The following LPIN1 variants were observed in gnomAD, a reference collection of about 807,000 sequenced individuals.
LPIN1 encodes the protein phosphatidate phosphatase LPIN1.
In LPIN1, 71 loss-of-function variants were observed where a neutral mutation model predicts 107.5. That is an observed-to-expected ratio of 0.66 (90% CI 0.55 to 0.80). The LOEUF (loss-of-function observed/expected upper bound fraction) is 0.80. Among genes scored for constraint, LPIN1 ranks in the 30% least tolerant of loss-of-function variants. The pLI, the probability that LPIN1 is intolerant of heterozygous loss-of-function variation, is 0.00. For missense variants in LPIN1, 1,043 were observed against 1,160.6 expected (o/e 0.90, Z 1.47); for synonymous variants, 445 against 452.6 (o/e 0.98, Z 0.21).
intron 17 of LPIN1, 104 bp from the exon 18 acceptor site, chr2:11,814,984 G>A: frequency 9.0e-7 from 1 of 1,110,970 alleles, no homozygotes. Flanking sequence ...GGGGGAACTT[G>A]AAACAGTGCC....
In LPIN1 at chr2:11,698,143, G is replaced by A. The variant is rs138380306; in HGVS notation, c.82-15613G>A. Among the ~76,000 whole-genome samples, 511 of 152,298 alleles carry A rather than the reference G, an allele frequency of 3.4e-3. 6 individuals carry two copies. The highest frequency in any genetic ancestry group is 0.011 in the African/African-American group (463 of 41,556). ...CAGAATAGCTCAGTCAGGGGTGTGC[G>A]GGGCGGCTCCGGTGGCCATCCTCAC... On this transcript the variant is annotated intron_variant, in intron 1 of 21. Transcript: ENST00000449576.
chr2:11,695,989 G>A (rs1371189260), intron 1 of LPIN1, among the ~76,000 whole-genome samples: 2 of 150,882 alleles, frequency 1.3e-5, no homozygotes, highest in Non-Finnish European at 2.9e-5. Flanking sequence ...CTTTCCCACT[G>A]CTGTGAGGTC....
intron 14 of LPIN1, among the ~76,000 whole-genome samples, chr2:11,802,394 GAGA>G (rs1158839516): frequency 6.6e-6 from 1 of 152,182 alleles, no homozygotes; most frequent in African/African-American, 2.4e-5. Flanking sequence ...GGGATCCTGA[GAGA>G]AGAATTGGTG....
upstream of LPIN1, among the ~76,000 whole-genome samples, chr2:11,744,960 G>A (rs186052498): frequency 1.2e-4 from 19 of 152,354 alleles, no homozygotes; most frequent in African/African-American, 3.8e-4. Flanking sequence ...CAAGCCCAGC[G>A]GGAGCGTGTC....
Position 11,783,822 on chromosome 2 carries a change from G to A in LPIN1, c.1265-7G>A, listed in dbSNP as rs376096398. The A allele has an allele frequency of 2.5e-5, 41 of 1,613,194 alleles. No homozygotes were observed. Among genetic ancestry groups the A allele is most frequent in the African/African-American group, 1.1e-4 (8 of 74,900 alleles). Reference sequence around the variant, plus strand: ...GGTTTTCTGACTTGAGCCATTTGCCGTTTTAGATAAACGAAGCCGACATCT... The same window carrying A: ...GGTTTTCTGACTTGAGCCATTTGCCATTTTAGATAAACGAAGCCGACATCT... On this transcript the variant is annotated splice_polypyrimidine_tract_variant and splice_region_variant and intron_variant, in intron 8 of 20. Transcript: ENST00000674199.
intron 5 of LPIN1, among the ~76,000 whole-genome samples, chr2:11,775,483 A>G (rs1271031002): frequency 1.3e-5 from 2 of 152,224 alleles, no homozygotes. Flanking sequence ...CAGGTTATGT[A>G]GCTCTGACTA....
chr2:11,824,698 CT>C lies in LPIN1; in HGVS notation c.2691del (p.Cys899ValfsTer49). The C allele has an allele frequency of 6.2e-7, 1 of 1,614,158 alleles. No individual in the cohort carries two copies. The highest frequency in any genetic ancestry group is 8.5e-7 in the Non-Finnish European group (1 of 1,180,034). On this transcript the variant is annotated frameshift_variant, in exon 21 of 21. Coordinates refer to ENST00000674199, the MANE Select transcript of LPIN1 (RefSeq NM_001349206.2). LOFTEE classifies it high-confidence loss of function. ...TGCTGAAAAGAAGCCATTCTTCAGA[CT>C]TTCCCTGTTCGGATACCTTCAGTAA... ...PLLKRSHSSD[F>X]PCSDTFSNFT...
Position 11,696,915 on chromosome 2 carries a change from C to A in LPIN1, c.82-16841C>A, listed in dbSNP as rs576356127. Among the ~76,000 whole-genome samples, 10 of 152,330 alleles carry A rather than the reference C, an allele frequency of 6.6e-5. No individual in the cohort carries two copies. In the South Asian group the frequency reaches 2.1e-3, roughly 32 times the overall value. On this transcript the variant is annotated intron_variant, in intron 1 of 21. Transcript: ENST00000449576. ...TACGCCCAGGTGTGCCTCCCCTGGC[C>A]GCACCTCCTCTGTGCTCCTGCGTCT... is the stretch of plus-strand genomic sequence containing the variant.
Position 11,787,392 on chromosome 2 carries a change from C to CTTTTTTT in LPIN1, c.1643+230_1643+231insTTTTTTT, listed in dbSNP as rs1219054361. Reference sequence around the variant, plus strand: ...AGTCTTGTGAGTTTTCTTTTCTTTTCTTTTTCTTTTTTTTTTTTTTTTTTT... The same window carrying CTTTTTTT: ...AGTCTTGTGAGTTTTCTTTTCTTTTCTTTTTTTTTTTTCTTTTTTTTTTTTTTTTTTT... On this transcript the variant is annotated intron_variant, in intron 11 of 20. Coordinates refer to ENST00000674199, the MANE Select transcript of LPIN1 (RefSeq NM_001349206.2). 8.2e-3 allele frequency among the ~76,000 whole-genome samples: 930 copies of CTTTTTTT among 113,494 alleles called. 55 individuals are homozygous for CTTTTTTT. The highest frequency in any genetic ancestry group is 0.011 in the Non-Finnish European group (611 of 57,778). 74.5% of individuals were successfully genotyped at this position (113,494 alleles called of 152,430 possible).
At chr2:11,806,128 A>G (rs1678643202) in intron 17 of LPIN1, among the ~76,000 whole-genome samples, 1 of 152,216 alleles carries the variant, frequency 6.6e-6, no homozygotes. Context: ...GTGAGTGTCA[A>G]GATAGTGTCA....
At chr2:11,752,442 T>TTTTTTTTTC in intron 1 of LPIN1, among the ~76,000 whole-genome samples, 1 of 109,890 alleles carries the variant, frequency 9.1e-6, no homozygotes, top group African/African-American at 6.1e-5. Context: ...CATTTTTTTT[T>TTTTTTTTTC]TTTTTTTGAG....
At chr2:11,755,099 G>C (rs1395737499) in intron 1 of LPIN1, among the ~76,000 whole-genome samples, 2 of 151,662 alleles carry the variant, frequency 1.3e-5, no homozygotes, top group African/African-American at 2.4e-5. Context: ...CCAAGTAGCT[G>C]GGACTACAGG....
chr2:11,819,917 G>A (rs768421907), intron 19 of LPIN1, among the ~76,000 whole-genome samples: 7 of 152,196 alleles, frequency 4.6e-5, no homozygotes, highest in Non-Finnish European at 8.8e-5. Flanking sequence ...GAAGGGAACC[G>A]CAAAATCAGT....
chr2:11,722,448 A>G (rs987490649), upstream of LPIN1: 2 of 152,216 alleles, frequency 1.3e-5, no homozygotes, highest in African/African-American at 4.8e-5. Context: ...CAGGAGATCC[A>G]TCATTGTCAC....
rs1382191992 is a variant in LPIN1, at chr2:11,774,497, G to A, written c.722+752G>A. Among the ~76,000 whole-genome samples, 1 of 152,126 alleles carries A rather than the reference G, an allele frequency of 6.6e-6. No individual in the cohort carries two copies. Among genetic ancestry groups the A allele is most frequent in the African/African-American group, 2.4e-5 (1 of 41,420 alleles). On this transcript the variant is annotated intron_variant, in intron 5 of 20. Coordinates refer to ENST00000674199, the MANE Select transcript of LPIN1 (RefSeq NM_001349206.2). This position sits in a 1 kb window ranked among gnomAD's most constrained non-coding sequence, Gnocchi z 4.4. The stretch of plus-strand genomic sequence containing the variant: ...TAAAATCTCATGGTGGGTGGAGTTG[G>A]GCTATTAATTTCTCAGAATGCTCAG...
intron 1 of LPIN1, among the ~76,000 whole-genome samples, chr2:11,751,314 CAG>C (rs1215236549): frequency 6.6e-6 from 1 of 152,108 alleles, no homozygotes; most frequent in African/African-American, 2.4e-5. Flanking sequence ...CTGAGTGGAC[CAG>C]AGTTTTCCAT....
At chr2:11,809,703 A>G (rs58774718) in intron 17 of LPIN1, among the ~76,000 whole-genome samples, 1 of 152,220 alleles carries the variant, frequency 6.6e-6, no homozygotes, top group Non-Finnish European at 1.5e-5. Context: ...GGCGTGAGCC[A>G]CTGCGCCCGG....
At chr2:11,810,784 A>G (rs1679513170) in intron 17 of LPIN1, among the ~76,000 whole-genome samples, 1 of 152,214 alleles carries the variant, frequency 6.6e-6, no homozygotes, top group Non-Finnish European at 1.5e-5. Context: ...ACACTCCTCC[A>G]ATCTCAGATG....
intron 1 of LPIN1, among the ~76,000 whole-genome samples, chr2:11,757,349 G>T (rs1209205625): frequency 6.6e-6 from 1 of 152,206 alleles, no homozygotes; most frequent in Non-Finnish European, 1.5e-5. Flanking sequence ...GCAGGAAACT[G>T]ACACCAAAGA....
Sources: gnomAD v4.1 joint callset for allele counts (sites outside exome capture counted in the v4.1 genomes callset) on GRCh38, gnomAD v4.1.1 for gene constraint, Gnocchi (gnomAD v3.1) non-coding constraint, MANE v1.5 for transcripts, NCBI Gene and HGNC (gene_info 2026-07-23, HGNC 2026-07-21) for gene names.